MUC17: variants seen among roughly 807,000 people sequenced by gnomAD.
MUC17 encodes mucin-17.
A neutral mutation model predicts 170.3 loss-of-function variants in MUC17; 190 were observed. The observed-to-expected ratio is 1.12, with a 90% CI of 0.99 to 1.26. The LOEUF (loss-of-function observed/expected upper bound fraction) is 1.26. MUC17 is among the 50% of genes most tolerant of loss of function. The pLI is 0.00. For missense variants in MUC17, 6,415 were observed against 5,530.0 expected, an observed-to-expected ratio of 1.16 and a Z score of -5.08; for synonymous variants, 2,325 against 2,002.5, an observed-to-expected ratio of 1.16 and a Z score of -4.30.
chr7:101,028,909 C>T (rs377197449), intron 1 of MUC17, among the ~76,000 whole-genome samples: 12 of 148,832 alleles, frequency 8.1e-5, no homozygotes, highest in Middle Eastern at 3.8e-3. Flanking sequence ...TAAATAAGTC[C>T]GGACGTGGTG....
chr7:101,026,142 C>A (rs1177605671), intron 1 of MUC17, among the ~76,000 whole-genome samples: 1 of 152,222 alleles, frequency 6.6e-6, no homozygotes, highest in Non-Finnish European at 1.5e-5. Flanking sequence ...TCTGACTCCA[C>A]CCTCTTCCCA....
chr7:101,039,828 T>A lies in MUC17; in HGVS notation c.8412T>A (p.Thr2804=). The change falls in exon 3 of 13, where the codon ACT becomes ACA. Residue 2804 remains threonine, a synonymous_variant. Transcript: ENST00000306151. The part of the protein sequence containing the change: ...TAEVTSMPTS[T]PSETSTPLTS... Reference sequence around the variant, plus strand: ...AAGTTACCAGCATGCCAACCTCAACTCCTAGTGAAACAAGTACTCCATTAA... The same window carrying A: ...AAGTTACCAGCATGCCAACCTCAACACCTAGTGAAACAAGTACTCCATTAA... The A allele has an allele frequency of 6.2e-7, 1 of 1,610,454 alleles. No individual in the cohort carries two copies. The highest frequency in any genetic ancestry group is 8.5e-7 in the Non-Finnish European group (1 of 1,178,244).
At position 101,040,264 on chromosome 7, in the gene MUC17, A is replaced by G. The variant is rs772054733; in HGVS notation, c.8848A>G (p.Thr2950Ala). 10 of 1,610,516 alleles carry G rather than the reference A, an allele frequency of 6.2e-6. No individual in the cohort carries two copies. The highest frequency in any genetic ancestry group is 7.6e-6 in the Non-Finnish European group (9 of 1,178,392). Residue 2950 changes from threonine to alanine, a missense_variant, in exon 3 of 13, where the codon ACA becomes GCA. Thr to Ala is a moderately conservative substitution (Grantham distance 58). Coordinates refer to ENST00000306151, the MANE Select transcript of MUC17 (RefSeq NM_001040105.2). ...VAGSEASTLS[T>A]TPVDTRTPVT... ...CGGTTCTGAGGCTAGCACCCTTTCA[A>G]CAACTCCTGTTGACACCAGGACACC... is the stretch of plus-strand genomic sequence containing the variant.
Position 101,043,755 on chromosome 7 carries a change from C to A in MUC17, c.12339C>A (p.Val4113=). Residue 4113 remains valine (V), a synonymous_variant, in exon 3 of 13, where the codon GTC becomes GTA. Transcript: ENST00000306151. ...TSFPTVTTTA[V]PTNTTIKSNP... is the part of the protein sequence containing the mutation. ...TCCCCACGGTGACCACCACCGCTGT[C>A]CCCACGAATACTACAATTAAGAGCA... 1.9e-6 allele frequency: 3 copies of A among 1,614,142 alleles called. No homozygotes were observed. Among genetic ancestry groups the A allele is most frequent in the Non-Finnish European group, 2.5e-6 (3 of 1,179,998 alleles).
Position 101,049,305 on chromosome 7 carries a change from G to A in MUC17, c.12664-19G>A. 1 of 1,614,120 alleles carries A rather than the reference G, an allele frequency of 6.2e-7. No homozygotes were observed. Among genetic ancestry groups the A allele is most frequent in the South Asian group, 1.1e-5 (1 of 91,068 alleles). On this transcript the variant is annotated intron_variant, in intron 5 of 12. Transcript: ENST00000306151. ...CCCGTGGTCCCTCTGGGATGACACA[G>A]TGGCCCCTTGCCTTTCAGATGAATA...
chr7:101,039,266 CT>C lies in MUC17; in HGVS notation c.7851del (p.Ala2618GlnfsTer14), dbSNP rs774376122. ...TSTETSSSPT[T>X]AKDTSMPIST... ...ACTGAAACCAGTTCATCTCCTACAA[CT>C]GCAAAAGATACCAGCATGCCAATCT... is the stretch of plus-strand genomic sequence containing the variant. On this transcript the variant is annotated frameshift_variant, in exon 3 of 13. Transcript: ENST00000306151. LOFTEE classifies it high-confidence loss of function. 115 of 1,613,372 alleles carry C rather than the reference CT, an allele frequency of 7.1e-5. No homozygotes were observed. The highest frequency in any genetic ancestry group is 9.7e-5 in the Non-Finnish European group (114 of 1,179,758).
chr7:101,057,559 A>T (rs1320851417), intron 12 of MUC17, among the ~76,000 whole-genome samples: 1 of 152,182 alleles, frequency 6.6e-6, no homozygotes, highest in Non-Finnish European at 1.5e-5. Context: ...CCTGGGCAAC[A>T]AAGTGAGACT....
chr7:101,050,731 T>C (rs1794925125), intron 7 of MUC17, 96 bp downstream of exon 7: 2 of 1,487,372 alleles, frequency 1.3e-6, no homozygotes, highest in Admixed American at 2.1e-5. Flanking sequence ...GGATGGTTAA[T>C]GGGTGGGTGC....
chr7:101,033,046 A>G lies in MUC17; in HGVS notation c.1630A>G (p.Thr544Ala). The change falls in exon 3 of 13, where the codon ACT becomes GCT. Residue 544 changes from threonine (T) to alanine (A), a missense_variant. Transcript: ENST00000306151. ...TPVDTSTPVT[T>A]SSEASSSSTT... ...TGTTGACACCAGCACACCTGTGACC[A>G]CTTCTAGTGAAGCCAGTTCATCTTC... 1 of 1,613,656 alleles carries G rather than the reference A, an allele frequency of 6.2e-7. No homozygotes were observed. The highest frequency in any genetic ancestry group is 8.5e-7 in the Non-Finnish European group (1 of 1,179,958).
At chr7:101,054,043 G>C (rs1046184559) in intron 11 of MUC17, among the ~76,000 whole-genome samples, 2 of 77,106 alleles carry the variant, frequency 2.6e-5, no homozygotes, top group South Asian at 5.4e-4. Flanking sequence ...CTGGGCAACA[G>C]AACAAGACCC....
At position 101,058,172 on chromosome 7, in the gene MUC17, T is replaced by C. The variant is rs1196911308; in HGVS notation, c.*128T>C. 33 of 752,604 alleles carry C rather than the reference T, an allele frequency of 4.4e-5. No homozygotes were observed. The Admixed American group carries it at 6.7e-4, about 15-fold the overall frequency. 46.6% of individuals were successfully genotyped at this position (752,604 alleles called of 1,614,324 possible). On this transcript the variant is annotated 3_prime_UTR_variant, in exon 13 of 13. Coordinates refer to ENST00000306151, the MANE Select transcript of MUC17 (RefSeq NM_001040105.2). ...TTGTAAGTACAGGAAACAAGCCCTG[T>C]ACTTACCAAGGAGAAAGAGGAGAGA...
intron 1 of MUC17, among the ~76,000 whole-genome samples, chr7:101,029,533 A>T (rs976748555): frequency 2.0e-5 from 3 of 151,918 alleles, no homozygotes; most frequent in Non-Finnish European, 4.4e-5. Flanking sequence ...TTCATGCCAG[A>T]TGTTGTGAAT....
rs1179410037 is a variant in MUC17 at position 101,036,866 on chromosome 7, A to G, written c.5450A>G (p.His1817Arg). Residue 1817 changes from histidine to arginine, a missense_variant, in exon 3 of 13, where the codon CAC (histidine) becomes CGC (arginine). His to Arg is a conservative substitution (Grantham distance 29, BLOSUM62 0). Coordinates refer to ENST00000306151, the MANE Select transcript of MUC17 (RefSeq NM_001040105.2). ...MTPLTSTPVS[H>R]TLVANSEAST... is the part of the protein sequence containing the mutation. ...CCATTAACAAGCACACCTGTCAGCC[A>G]CACGCTGGTGGCCAATTCTGAGGCT... is the stretch of plus-strand genomic sequence containing the variant. 4 of 1,604,394 alleles carry G rather than the reference A, an allele frequency of 2.5e-6. No individual in the cohort carries two copies. The highest frequency in any genetic ancestry group is 3.4e-6 in the Non-Finnish European group (4 of 1,176,612).
chr7:101,041,149 A>G lies in MUC17; in HGVS notation c.9733A>G (p.Thr3245Ala), dbSNP rs1304733791. 6.2e-7 allele frequency: 1 copy of G among 1,611,408 alleles called. No homozygotes were observed. The highest frequency in any genetic ancestry group is 2.2e-5 in the East Asian group (1 of 44,710). Residue 3245 changes from threonine to alanine, a missense_variant, in exon 3 of 13, where the codon ACT becomes GCT. Thr to Ala is a moderately conservative substitution (Grantham distance 58). Transcript: ENST00000306151. ...TTCTGAGGCTAGCATCCTTTCAACA[A>G]CTCCTGTTGACTCCAACACTCCTTT... ...ASSEASILSTTPVDSNTPLTT... is the reference protein window; with the variant it reads ...ASSEASILSTAPVDSNTPLTT...
chr7:101,039,022 T>C lies in MUC17; in HGVS notation c.7606T>C (p.Ser2536Pro). 1 of 1,613,938 alleles carries C rather than the reference T, an allele frequency of 6.2e-7. No individual in the cohort carries two copies. Among genetic ancestry groups the C allele is most frequent in the Non-Finnish European group, 8.5e-7 (1 of 1,179,928 alleles). Reference sequence around the variant, plus strand: ...GGCCAGTCCTGAGGCTAGCACCCTTTCAACAACTCCTGTTGACTCCAACAG... The same window carrying C: ...GGCCAGTCCTGAGGCTAGCACCCTTCCAACAACTCCTGTTGACTCCAACAG... ...PVASPEASTL[S>P]TTPVDSNSPV... is the part of the protein sequence containing the mutation. The change falls in exon 3 of 13, where the codon TCA becomes CCA. Residue 2536 changes from serine to proline, a missense_variant. Physicochemically the swap from Ser to Pro is moderately conservative, Grantham distance 74. Transcript: ENST00000306151.
chr7:101,038,779 A>C lies in MUC17; in HGVS notation c.7363A>C (p.Thr2455Pro). ...ACCAACCTCACCTCCTAGTGAAGGA[A>C]CCACTCCGTTAGCAAGTATGCCTGT... Reference protein sequence around the residue: ...SIPTSPPSEGTTPLASMPVST... With the variant: ...SIPTSPPSEGPTPLASMPVST... Residue 2455 changes from threonine to proline, a missense_variant, in exon 3 of 13, where the codon ACC (threonine) becomes CCC (proline). Transcript: ENST00000306151. The C allele has an allele frequency of 6.2e-7, 1 of 1,612,974 alleles. No individual in the cohort carries two copies.
chr7:101,048,552 C>T (rs923094383), intron 4 of MUC17, among the ~76,000 whole-genome samples: 2 of 150,322 alleles, frequency 1.3e-5, no homozygotes, highest in Non-Finnish European at 2.9e-5. Flanking sequence ...GCTATGATCT[C>T]ACCACTGCAC....
rs761722434 is a variant in MUC17, at chr7:101,041,813, G to A, written c.10397G>A (p.Ser3466Asn). ...GSTPLSIMPLSTTPVASSEAS... is the reference protein window; with the variant it reads ...GSTPLSIMPLNTTPVASSEAS... ...ACTCCATTATCAATTATGCCTCTCA[G>A]TACCACGCCGGTGGCCAGTTCTGAG... The change falls in exon 3 of 13, where the codon AGT becomes AAT. Residue 3466 changes from serine to asparagine, a missense_variant. By Grantham distance (46) the Ser-to-Asn change is conservative. Transcript: ENST00000306151. 6.2e-7 allele frequency: 1 copy of A among 1,613,750 alleles called. No individual in the cohort carries two copies.
In MUC17 at chr7:101,039,315, T is replaced by C. The variant is rs746088109; in HGVS notation, c.7899T>C (p.Thr2633=). ...MPISTPSEVS[T]SLTSILVSTM... is the part of the protein sequence containing the mutation. ...TCTCAACTCCTAGTGAAGTAAGTAC[T>C]TCATTAACAAGTATACTTGTCAGCA... Residue 2633 remains threonine, a synonymous_variant, in exon 3 of 13, where the codon ACT becomes ACC. Transcript: ENST00000306151. The C allele has an allele frequency of 3.4e-5, 55 of 1,613,032 alleles. No individual in the cohort carries two copies. Among genetic ancestry groups the C allele is most frequent in the Non-Finnish European group, 4.5e-5 (53 of 1,179,568 alleles).
Sources: gnomAD v4.1 joint callset for allele counts (sites outside exome capture counted in the v4.1 genomes callset) on GRCh38, gnomAD v4.1.1 for gene constraint, MANE v1.5 for transcripts, NCBI Gene and HGNC (gene_info 2026-07-23, HGNC 2026-07-21) for gene names.